Variants in HHAT observed in about 807,000 individuals in gnomAD.
HHAT encodes the protein protein-cysteine N-palmitoyltransferase HHAT.
HHAT carries 47 observed loss-of-function variants against 70.8 expected under a neutral mutation model. That is an observed-to-expected ratio of 0.66 (90% CI 0.53 to 0.85). The LOEUF (loss-of-function observed/expected upper bound fraction) is 0.85, where lower values mean the gene tolerates loss of function less well. Among genes scored for constraint, HHAT ranks in the 40% least tolerant of loss-of-function variants. The pLI is 0.00. For missense variants in HHAT, 609 were observed against 604.8 expected, an observed-to-expected ratio of 1.01 and a Z score of -0.07; for synonymous variants, 228 against 247.6, an observed-to-expected ratio of 0.92 and a Z score of 0.74.
intron 6 of HHAT, among the ~76,000 whole-genome samples, chr1:210,410,350 C>T (rs1206607993): frequency 6.6e-6 from 1 of 151,236 alleles, no homozygotes; most frequent in Non-Finnish European, 1.5e-5. Flanking sequence ...GCCACCATGC[C>T]TGGCCGGATT....
intron 10 of HHAT, among the ~76,000 whole-genome samples, chr1:210,595,349 C>G (rs531384411): frequency 6.6e-6 from 1 of 152,062 alleles, no homozygotes; most frequent in Non-Finnish European, 1.5e-5. Context: ...CCACATTTTC[C>G]TAATCCAGTC....
At chr1:210,525,591 C>G (rs182721498) in intron 9 of HHAT, among the ~76,000 whole-genome samples, 196 of 152,260 alleles carry the variant, frequency 1.3e-3, no homozygotes, top group African/African-American at 4.6e-3. Context: ...GTCTTCCTAG[C>G]TGTGCTATAT....
intron 11 of HHAT, among the ~76,000 whole-genome samples, chr1:210,660,664 A>G (rs960784316): frequency 2.6e-4 from 39 of 152,242 alleles, no homozygotes; most frequent in African/African-American, 9.4e-4. Flanking sequence ...ACTTCAAACT[A>G]TAAGACAAGA....
rs1680827153 is a variant in HHAT, at chr1:210,674,510, G to A, written c.*131G>A. Reference sequence around the variant, plus strand: ...CTTCAGTTGAATGCCCTCACTCCAAGACTGGATGCTGGATCTCATAGAAAA... The same window carrying A: ...CTTCAGTTGAATGCCCTCACTCCAAAACTGGATGCTGGATCTCATAGAAAA... On this transcript the variant is annotated 3_prime_UTR_variant, in exon 12 of 12. Transcript: ENST00000261458. 1 of 639,690 alleles carries A rather than the reference G, an allele frequency of 1.6e-6. No homozygotes were observed. Among genetic ancestry groups the A allele is most frequent in the Admixed American group, 2.9e-5 (1 of 34,964 alleles). 39.6% of individuals were successfully genotyped at this position (639,690 alleles called of 1,614,324 possible).
intron 10 of HHAT, among the ~76,000 whole-genome samples, chr1:210,622,130 C>T (rs184456509): frequency 6.6e-6 from 1 of 152,282 alleles, no homozygotes; most frequent in Non-Finnish European, 1.5e-5. Flanking sequence ...GAAGACTCGC[C>T]CTCCAATTTA....
intron 11 of HHAT, among the ~76,000 whole-genome samples, chr1:210,665,634 A>G (rs1558390997): frequency 6.6e-6 from 1 of 152,232 alleles, no homozygotes; most frequent in Non-Finnish European, 1.5e-5. Flanking sequence ...TTAAGGCAGT[A>G]TTAATGCTAG....
At chr1:210,525,743 T>C (rs2095235769) in intron 9 of HHAT, among the ~76,000 whole-genome samples, 1 of 152,196 alleles carries the variant, frequency 6.6e-6, no homozygotes, top group African/African-American at 2.4e-5. Context: ...AAATGTATCT[T>C]TTAAAAAAAA....
In HHAT at chr1:210,560,814, T is replaced by TAAAAA. The variant is rs60192211; in HGVS notation, c.1044-27051_1044-27047dup. On this transcript the variant is annotated intron_variant, in intron 9 of 11. Transcript: ENST00000261458. Reference sequence around the variant, plus strand: ...GGTGACAAAGTGAGACCCTGTGTCTTAAAAAAAAAAAAAAAAAAAAAAAAA... The same window carrying TAAAAA: ...GGTGACAAAGTGAGACCCTGTGTCTTAAAAAAAAAAAAAAAAAAAAAAAAAAAAAA... Among the ~76,000 whole-genome samples the TAAAAA allele has an allele frequency of 8.1e-4, 23 of 28,512 alleles. 1 individual carries two copies. The highest frequency in any genetic ancestry group is 2.2e-3 in the Admixed American group (5 of 2,258). The allele number at this position is 28,512 out of a possible 152,430, so 18.7% of individuals were successfully genotyped here. A position where few individuals can be genotyped will look rare whatever the true frequency, so the allele number is the denominator to read the frequency against.
intron 9 of HHAT, 71 bp downstream of exon 9, chr1:210,513,259 CTTTG>C: frequency 1.2e-6 from 1 of 815,968 alleles, no homozygotes; most frequent in East Asian, 2.5e-5. Context: ...AATGGAAAAT[CTTTG>C]TTAAGTATCT....
At chr1:210,668,172 T>C (rs1381832367) in intron 11 of HHAT, among the ~76,000 whole-genome samples, 1 of 152,244 alleles carries the variant, frequency 6.6e-6, no homozygotes, top group Admixed American at 6.5e-5. Context: ...AAATAATCTC[T>C]TGTATTTTTA....
upstream of HHAT, chr1:210,328,772 G>GGCC: frequency 2.9e-6 from 1 of 345,636 alleles, no homozygotes; most frequent in Non-Finnish European, 5.2e-6. Flanking sequence ...AGGGGCCCCG[G>GGCC]GCCGCCGGCG....
intron 3 of HHAT, among the ~76,000 whole-genome samples, chr1:210,380,450 G>A (rs971184925): frequency 6.6e-6 from 1 of 152,136 alleles, no homozygotes; most frequent in South Asian, 2.1e-4. Context: ...TGAAGCAGGA[G>A]AATCACTTGA....
intron 7 of HHAT, among the ~76,000 whole-genome samples, chr1:210,446,411 G>A (rs2093635892): frequency 6.6e-6 from 1 of 152,180 alleles, no homozygotes; most frequent in South Asian, 2.1e-4. Context: ...TAGGAATAAT[G>A]GGACGATCAG....
chr1:210,508,198 C>CAAA lies in HHAT; in HGVS notation c.1008-4938_1008-4936dup, dbSNP rs10656040. On this transcript the variant is annotated intron_variant, in intron 8 of 11. Transcript: ENST00000261458. The stretch of plus-strand genomic sequence containing the variant: ...TGGGTGACAGAGTGAGACTCCTTCT[C>CAAA]AAAAAAAAAAAAAAAAAAAGTCCTA... 2.0e-3 allele frequency among the ~76,000 whole-genome samples: 180 copies of CAAA among 89,414 alleles called. 4 individuals are homozygous for CAAA. The highest frequency in any genetic ancestry group is 7.4e-3 in the African/African-American group (160 of 21,676). 58.7% of individuals were successfully genotyped at this position (89,414 alleles called of 152,430 possible).
chr1:210,503,520 C>T (rs2094798002), intron 8 of HHAT, among the ~76,000 whole-genome samples: 1 of 152,206 alleles, frequency 6.6e-6, no homozygotes, highest in African/African-American at 2.4e-5. Context: ...CATTTGCATT[C>T]ATCATCTTCT....
intron 10 of HHAT, among the ~76,000 whole-genome samples, chr1:210,610,385 T>C (rs1289672319): frequency 6.6e-6 from 1 of 152,206 alleles, no homozygotes; most frequent in Non-Finnish European, 1.5e-5. Flanking sequence ...CTCTTGTAGA[T>C]TTATTTAAGT....
intron 10 of HHAT, among the ~76,000 whole-genome samples, chr1:210,614,185 A>G (rs1252952990): frequency 6.6e-6 from 1 of 152,130 alleles, no homozygotes; most frequent in Admixed American, 6.6e-5. Flanking sequence ...CATTATAAAT[A>G]GAATTGCTTT....
intron 9 of HHAT, among the ~76,000 whole-genome samples, chr1:210,551,301 A>T (rs1160086346): frequency 6.7e-6 from 1 of 148,586 alleles, no homozygotes; most frequent in Non-Finnish European, 1.5e-5. Context: ...AATCCTTAGC[A>T]CCCCCGACCC....
intron 5 of HHAT, among the ~76,000 whole-genome samples, 154 bp from the exon 6 acceptor site, chr1:210,404,310 A>G (rs1160258561): frequency 6.6e-6 from 1 of 152,160 alleles, no homozygotes; most frequent in Non-Finnish European, 1.5e-5. Flanking sequence ...ACTGCCTTTT[A>G]TGGCACAGCT....
Sources: gnomAD v4.1 joint callset for allele counts (sites outside exome capture counted in the v4.1 genomes callset) on GRCh38, gnomAD v4.1.1 for gene constraint, MANE v1.5 for transcripts, NCBI Gene and HGNC (gene_info 2026-07-23, HGNC 2026-07-21) for gene names.